ADGRF5: variants seen among roughly 807,000 people sequenced by gnomAD.
The protein encoded by ADGRF5 is G-protein coupled receptor 116.
In ADGRF5, 75 loss-of-function variants were observed where a neutral mutation model predicts 132.3. That is an observed-to-expected ratio of 0.57 (90% CI 0.47 to 0.69). The LOEUF is 0.69. ADGRF5 is among the 30% of genes least tolerant of loss of function. The pLI is 0.00. For synonymous variants in ADGRF5, 629 were observed against 597.6 expected, an observed-to-expected ratio of 1.05 and a Z score of -0.77; for missense variants, 1,516 against 1,630.6, an observed-to-expected ratio of 0.93 and a Z score of 1.21.
chr6:46,862,705 T>TTTTTTTTTTTG (rs1769916245), intron 15 of ADGRF5, among the ~76,000 whole-genome samples, 183 bp downstream of exon 15: 1 of 41,554 alleles, frequency 2.4e-5, no homozygotes, highest in Non-Finnish European at 6.8e-5. Flanking sequence ...AATTGAGGCT[T>TTTTTTTTTTTG]TTTTTTTTTT....
At chr6:46,922,780 G>A (rs1413569793), upstream of ADGRF5, among the ~76,000 whole-genome samples, 1 of 152,216 alleles carries the variant, frequency 6.6e-6, no homozygotes, top group African/African-American at 2.4e-5. Context: ...TGCTTCGGGT[G>A]AGTCCCATGC....
chr6:46,932,660 A>G (rs1777609993), intron 1 of ADGRF5, among the ~76,000 whole-genome samples: 1 of 152,186 alleles, frequency 6.6e-6, no homozygotes, highest in Non-Finnish European at 1.5e-5. Flanking sequence ...AAGACCTACA[A>G]TAGAAGGGTG....
intron 10 of ADGRF5, among the ~76,000 whole-genome samples, chr6:46,876,186 C>A (rs1295103247): frequency 6.6e-6 from 1 of 152,206 alleles, no homozygotes; most frequent in Non-Finnish European, 1.5e-5. Context: ...GGGCAGGGTG[C>A]CAAGGCAGAG....
upstream of ADGRF5, among the ~76,000 whole-genome samples, chr6:46,923,886 AG>A (rs1454739898): frequency 6.6e-6 from 1 of 152,248 alleles, no homozygotes; most frequent in Admixed American, 6.5e-5. Context: ...TGACTGTCAC[AG>A]CAGCCGTTTT....
intron 1 of ADGRF5, among the ~76,000 whole-genome samples, chr6:46,951,693 G>A (rs2113847958): frequency 6.6e-6 from 1 of 152,282 alleles, no homozygotes; most frequent in Admixed American, 6.5e-5. Flanking sequence ...CTAAAGCAGG[G>A]ACTGCTTAAT....
intron 1 of ADGRF5, among the ~76,000 whole-genome samples, chr6:46,953,834 A>T (rs1277526994): frequency 6.6e-5 from 10 of 151,736 alleles, no homozygotes; most frequent in Non-Finnish European, 1.3e-4. Context: ...TAAGCTAGAA[A>T]AGAATAGTAA....
chr6:46,951,656 C>CTTCCTCCTCTT (rs1208894827), intron 1 of ADGRF5, among the ~76,000 whole-genome samples: 1 of 152,206 alleles, frequency 6.6e-6, no homozygotes. Context: ...GGTAGAGCTA[C>CTTCCTCCTCTT]TTCCTCCTCT....
chr6:46,899,435 G>C (rs1476402410), intron 3 of ADGRF5, among the ~76,000 whole-genome samples: 5 of 152,136 alleles, frequency 3.3e-5, no homozygotes, highest in African/African-American at 1.2e-4. Context: ...CTGCGGCCCT[G>C]ACCTGACACC....
At position 46,869,016 on chromosome 6, in the gene ADGRF5, C is replaced by T; in HGVS notation, c.1488G>A (p.Val496=). 1 of 1,613,394 alleles carries T rather than the reference C, an allele frequency of 6.2e-7. No individual in the cohort carries two copies. Among genetic ancestry groups the T allele is most frequent in the Non-Finnish European group, 8.5e-7 (1 of 1,179,372 alleles). The part of the protein sequence containing the change: ...QNFSIKCISD[V]SNYDEVYWNT... Reference sequence around the variant, plus strand: ...TCCAATAAACCTCATCATAGTTACTCACATCACTGATGCATTTTATAGAAA... The same window carrying T: ...TCCAATAAACCTCATCATAGTTACTTACATCACTGATGCATTTTATAGAAA... Residue 496 remains valine (V), a synonymous_variant, in exon 12 of 21, where the codon GTG becomes GTA. Coordinates refer to ENST00000283296, the MANE Select transcript of ADGRF5 (RefSeq NM_001098518.2).
chr6:46,915,880 A>G (rs1776375316), intron 1 of ADGRF5, among the ~76,000 whole-genome samples: 1 of 150,892 alleles, frequency 6.6e-6, no homozygotes, highest in South Asian at 2.1e-4. Context: ...CCCAGTCCTC[A>G]CTCTCCCTGG....
At chr6:46,928,519 T>C (rs184134942) in intron 1 of ADGRF5, among the ~76,000 whole-genome samples, 1 of 152,290 alleles carries the variant, frequency 6.6e-6, no homozygotes, top group African/African-American at 2.4e-5. Context: ...CCACCTTCTC[T>C]AGTGCCAGCT....
At chr6:46,928,536 C>T (rs902861336) in intron 1 of ADGRF5, among the ~76,000 whole-genome samples, 1 of 152,118 alleles carries the variant, frequency 6.6e-6, no homozygotes, top group Non-Finnish European at 1.5e-5. Context: ...AGCTTCCCAC[C>T]ATCTTGCTGA....
chr6:46,921,033 A>T (rs17470611), intron 1 of ADGRF5, among the ~76,000 whole-genome samples: 25,028 of 152,206 alleles, frequency 0.16, 2,237 homozygotes, highest in South Asian at 0.2. Flanking sequence ...GGCTTTCTGA[A>T]ATATGAGAAA....
intron 2 of ADGRF5, among the ~76,000 whole-genome samples, chr6:46,901,752 G>T (rs1774793224): frequency 6.6e-6 from 1 of 151,388 alleles, no homozygotes; most frequent in Non-Finnish European, 1.5e-5. Context: ...TCAGGGAGCG[G>T]GTCTCTCTTT....
intron 2 of ADGRF5, among the ~76,000 whole-genome samples, chr6:46,904,036 G>A (rs1775048715): frequency 6.6e-6 from 1 of 152,130 alleles, no homozygotes; most frequent in Non-Finnish European, 1.5e-5. Flanking sequence ...CATCAAAGTT[G>A]AGCATATATA....
chr6:46,921,475 T>C (rs778903723), intron 1 of ADGRF5, among the ~76,000 whole-genome samples: 3 of 152,120 alleles, frequency 2.0e-5, no homozygotes, highest in Non-Finnish European at 4.4e-5. Context: ...TCCCAGCTAG[T>C]TGCTTGATAC....
chr6:46,913,265 A>T (rs1214942393), intron 1 of ADGRF5, among the ~76,000 whole-genome samples: 1 of 152,124 alleles, frequency 6.6e-6, no homozygotes, highest in Admixed American at 6.6e-5. Flanking sequence ...TGGAAGGCCA[A>T]GGGGGGCGGA....
chr6:46,865,302 G>T, intron 13 of ADGRF5, 105 bp from the exon 14 acceptor site: 1 of 750,940 alleles, frequency 1.3e-6, no homozygotes, highest in Non-Finnish European at 2.2e-6. Context: ...GCTTTCCCGA[G>T]GAATGTGCCA....
At chr6:46,919,939 C>G (rs558197604) in intron 1 of ADGRF5, among the ~76,000 whole-genome samples, 5 of 152,248 alleles carry the variant, frequency 3.3e-5, no homozygotes, top group African/African-American at 9.6e-5. Flanking sequence ...TCCTTATTTG[C>G]TTGTCTCTTA....
Sources: gnomAD v4.1 joint callset for allele counts (sites outside exome capture counted in the v4.1 genomes callset) on GRCh38, gnomAD v4.1.1 for gene constraint, MANE v1.5 for transcripts, NCBI Gene and HGNC (gene_info 2026-07-23, HGNC 2026-07-21) for gene names.